The following ETV6 variants were observed in gnomAD, a reference collection of about 807,000 sequenced individuals.
The protein encoded by ETV6 is transcription factor ETV6.
A neutral mutation model predicts 51.1 loss-of-function variants in ETV6; 16 were observed. That is an observed-to-expected ratio of 0.31 (90% CI 0.21 to 0.48). ETV6 has a LOEUF of 0.48. Among genes scored for constraint, ETV6 ranks in the 20% least tolerant of loss-of-function variants. The pLI is 0.99. For missense variants in ETV6, 458 were observed against 594.8 expected (o/e 0.77, Z 2.39); for synonymous variants, 240 against 224.1 (o/e 1.07, Z -0.64).
chr12:11,794,105 T>C (rs530420182), intron 2 of ETV6, among the ~76,000 whole-genome samples: 4 of 152,306 alleles, frequency 2.6e-5, no homozygotes, highest in Admixed American at 6.5e-5. Flanking sequence ...CCTGCTTTCT[T>C]AGAGGCACAA....
chr12:11,735,123 G>T, intron 1 of ETV6, among the ~76,000 whole-genome samples: 1 of 106,188 alleles, frequency 9.4e-6, no homozygotes. Flanking sequence ...ACTAATACTA[G>T]GTCCTGCTTC....
intron 2 of ETV6, among the ~76,000 whole-genome samples, chr12:11,770,669 G>A (rs1457730606): frequency 2.0e-5 from 3 of 152,142 alleles, no homozygotes; most frequent in Non-Finnish European, 4.4e-5. Context: ...AAGGTGTCAG[G>A]GACCCATGCA....
chr12:11,721,015 G>A (rs1387653101), intron 1 of ETV6, among the ~76,000 whole-genome samples: 1 of 152,130 alleles, frequency 6.6e-6, no homozygotes, highest in Non-Finnish European at 1.5e-5. Context: ...AAGCCACGAC[G>A]AGATACTGTC....
At chr12:11,882,350 C>T (rs1261084192) in intron 5 of ETV6, among the ~76,000 whole-genome samples, 2 of 152,168 alleles carry the variant, frequency 1.3e-5, no homozygotes, top group African/African-American at 4.8e-5. Context: ...TAAACATACA[C>T]CCATTAACGA....
At chr12:11,676,470 G>A (rs536692555) in intron 1 of ETV6, among the ~76,000 whole-genome samples, 2 of 152,322 alleles carry the variant, frequency 1.3e-5, no homozygotes, top group South Asian at 2.1e-4. Context: ...GTCTTGGACT[G>A]CCCTTGCCCA....
At chr12:11,847,316 T>C (rs1946480505) in intron 3 of ETV6, among the ~76,000 whole-genome samples, 1 of 152,164 alleles carries the variant, frequency 6.6e-6, no homozygotes, top group Non-Finnish European at 1.5e-5. Context: ...ACATCAAATG[T>C]GTGGTGCCTA....
rs1389561918 is a variant in ETV6, at chr12:11,869,669, G to T, written c.709G>T (p.Val237Leu). ...NNHQESYPLSVSPMENNHCPA... is the reference protein window; with the variant it reads ...NNHQESYPLSLSPMENNHCPA... ...CCACCAGGAGTCCTACCCTCTGTCAGTGTCTCCCATGGAGAATAATCACTG... is the reference window on the plus strand; with the variant it reads ...CCACCAGGAGTCCTACCCTCTGTCATTGTCTCCCATGGAGAATAATCACTG... Residue 237 changes from valine (V) to leucine (L), a missense_variant, in exon 5 of 8, where the codon GTG becomes TTG. This residue lies in a region of ETV6 where 293 missense variants were observed against 315.7 expected (regional missense o/e 0.93). Transcript: ENST00000396373. This position sits in a 1 kb window ranked among gnomAD's most constrained non-coding sequence, Gnocchi z 5.0. The T allele has an allele frequency of 6.2e-7, 1 of 1,614,164 alleles. No homozygotes were observed. The highest frequency in any genetic ancestry group is 8.5e-7 in the Non-Finnish European group (1 of 1,180,038).
intron 5 of ETV6, among the ~76,000 whole-genome samples, chr12:11,876,366 A>G (rs1226484019): frequency 6.6e-6 from 1 of 152,228 alleles, no homozygotes; most frequent in East Asian, 1.9e-4. Context: ...TCTAAATGCC[A>G]AATTTCGTAT....
At chr12:11,744,457 G>C (rs1312739744) in intron 1 of ETV6, among the ~76,000 whole-genome samples, 1 of 152,212 alleles carries the variant, frequency 6.6e-6, no homozygotes, top group Non-Finnish European at 1.5e-5. Context: ...CACAAGCTTA[G>C]AGGCATTGCT....
intron 1 of ETV6, among the ~76,000 whole-genome samples, chr12:11,751,096 G>A (rs1228361042): frequency 6.6e-6 from 1 of 151,834 alleles, no homozygotes; most frequent in Non-Finnish European, 1.5e-5. Context: ...CCTTAGGGAA[G>A]GTATAGCAAT....
chr12:11,691,353 G>A (rs928285264), intron 1 of ETV6, among the ~76,000 whole-genome samples: 15 of 152,070 alleles, frequency 9.9e-5, no homozygotes, highest in East Asian at 3.8e-4. Context: ...CATAACCTGC[G>A]TCTGAGCAGA....
intron 7 of ETV6, among the ~76,000 whole-genome samples, chr12:11,890,031 G>T (rs1319847206): frequency 6.6e-6 from 1 of 152,080 alleles, no homozygotes; most frequent in Admixed American, 6.6e-5. Flanking sequence ...ACAGGAAGAT[G>T]AGGCTTGCTG....
At chr12:11,664,770 G>A (rs1480486543) in intron 1 of ETV6, among the ~76,000 whole-genome samples, 2 of 152,064 alleles carry the variant, frequency 1.3e-5, no homozygotes, top group Non-Finnish European at 2.9e-5. Context: ...CCTCCATACC[G>A]GCTGTCACTG....
chr12:11,656,251 C>T (rs946101771), intron 1 of ETV6, among the ~76,000 whole-genome samples: 3 of 152,296 alleles, frequency 2.0e-5, no homozygotes, highest in Admixed American at 6.5e-5. Context: ...CCTAAGACCT[C>T]GCAGGCTGTA....
chr12:11,759,979 A>G (rs1197131129), intron 2 of ETV6, among the ~76,000 whole-genome samples: 1 of 152,242 alleles, frequency 6.6e-6, no homozygotes, highest in East Asian at 1.9e-4. Context: ...ACTTCATCAG[A>G]GGTAAACGTT....
At chr12:11,854,386 G>A (rs1946601337) in intron 4 of ETV6, among the ~76,000 whole-genome samples, 1 of 152,180 alleles carries the variant, frequency 6.6e-6, no homozygotes. Context: ...GTACCAGTCA[G>A]TGACCTGGAG....
chr12:11,661,693 CT>C (rs1405424853), intron 1 of ETV6, among the ~76,000 whole-genome samples: 1 of 152,220 alleles, frequency 6.6e-6, no homozygotes, highest in Non-Finnish European at 1.5e-5. Context: ...GACGCTGATA[CT>C]TTCGGGTGAG....
chr12:11,757,516 G>A (rs1945025573), intron 2 of ETV6, among the ~76,000 whole-genome samples: 1 of 151,828 alleles, frequency 6.6e-6, no homozygotes, highest in Admixed American at 6.6e-5. Flanking sequence ...CATACTTATT[G>A]TCTCACTTAA....
intron 1 of ETV6, among the ~76,000 whole-genome samples, chr12:11,734,670 G>A (rs1865669525): frequency 6.6e-6 from 1 of 152,090 alleles, no homozygotes; most frequent in African/African-American, 2.4e-5. Flanking sequence ...ATGCAAAATT[G>A]TAGGGCATTA....
Sources: gnomAD v4.1 joint callset for allele counts (sites outside exome capture counted in the v4.1 genomes callset) on GRCh38, gnomAD v4.1.1 for gene constraint, gnomAD v4.1.1 regional missense constraint, Gnocchi (gnomAD v3.1) non-coding constraint, MANE v1.5 for transcripts, NCBI Gene and HGNC (gene_info 2026-07-23, HGNC 2026-07-21) for gene names.